SYNE2: variants seen among roughly 807,000 people sequenced by gnomAD.
SYNE2 encodes nesprin-2.
Under a neutral mutation model 856.3 loss-of-function variants are expected in SYNE2, and 431 were observed. The observed-to-expected ratio is 0.50, with a 90% confidence interval of 0.47 to 0.55. The LOEUF (loss-of-function observed/expected upper bound fraction) is 0.55, where lower values mean the gene tolerates loss of function less well. SYNE2 is among the 20% of genes least tolerant of loss of function. The probability of loss-of-function intolerance (pLI) is 0.00; values close to 1 mark genes in which losing one functional copy is unlikely to be tolerated. For synonymous variants in SYNE2, 2,923 were observed against 2,872.3 expected (o/e 1.02, Z -0.56); for missense variants, 8,129 against 8,023.2 (o/e 1.01, Z -0.50).
intron 96 of SYNE2, among the ~76,000 whole-genome samples, chr14:64,185,519 CTTTTTTTTT>C (rs66490444): frequency 1.3e-5 from 1 of 77,478 alleles, no homozygotes; most frequent in Non-Finnish European, 2.4e-5. Context: ...TTTTCTTTTT[CTTTTTTTTT>C]TTTTTTTTTT....
At chr14:64,160,684 A>C (rs1339806610) in intron 87 of SYNE2, among the ~76,000 whole-genome samples, 1 of 152,238 alleles carries the variant, frequency 6.6e-6, no homozygotes, top group Admixed American at 6.5e-5. Flanking sequence ...AAACATTCTC[A>C]TGTATTTCAT....
At chr14:64,077,800 C>A (rs2097479958) in intron 54 of SYNE2, among the ~76,000 whole-genome samples, 1 of 152,042 alleles carries the variant, frequency 6.6e-6, no homozygotes, top group African/African-American at 2.4e-5. Context: ...TATTATCTTT[C>A]CTAGCTCAAG....
Position 63,986,912 on chromosome 14 carries a change from C to T in SYNE2, c.2313+295C>T, listed in dbSNP as rs188869309. ...CTTGCACCAGAGGACAATGAGGAGA[C>T]GAGTGAGTTCAGTCTCATTATAGCT... On this transcript the variant is annotated intron_variant, in intron 19 of 115. Coordinates refer to ENST00000555002, the MANE Select transcript of SYNE2 (RefSeq NM_182914.3). Among the ~76,000 whole-genome samples, 24 of 152,218 alleles carry T rather than the reference C, an allele frequency of 1.6e-4. No individual in the cohort carries two copies. The East Asian group carries it at 3.5e-3, about 22-fold the overall frequency.
intron 6 of SYNE2, among the ~76,000 whole-genome samples, chr14:63,942,920 C>T (rs189507042): frequency 2.0e-5 from 3 of 152,242 alleles, no homozygotes; most frequent in East Asian, 1.9e-4. Context: ...CATGAGCCAC[C>T]GTGCCTGTCC....
Position 64,062,822 on chromosome 14 carries a change from C to T in SYNE2, c.10139C>T (p.Thr3380Ile), listed in dbSNP as rs371329230. 93 of 1,613,910 alleles carry T rather than the reference C, an allele frequency of 5.8e-5. No homozygotes were observed. Among genetic ancestry groups the T allele is most frequent in the Non-Finnish European group, 7.5e-5 (89 of 1,179,972 alleles). Residue 3380 changes from threonine (T) to isoleucine (I), a missense_variant, in exon 50 of 116, where the codon ACA becomes ATA. Physicochemically the swap from Thr to Ile is moderately conservative, Grantham distance 89. Transcript: ENST00000555002. The part of the protein sequence containing the change: ...DIYTNLSKME[T>I]VLGQSMSSLP... Reference sequence around the variant, plus strand: ...TACACTAACCTCAGCAAAATGGAGACAGTTCTTGGACAGTCCATGTCCTCG... The same window carrying T: ...TACACTAACCTCAGCAAAATGGAGATAGTTCTTGGACAGTCCATGTCCTCG...
chr14:64,100,759 C>T (rs2097721841), intron 63 of SYNE2, among the ~76,000 whole-genome samples: 1 of 150,804 alleles, frequency 6.6e-6, no homozygotes, highest in South Asian at 2.1e-4. Context: ...CAAAAGATCC[C>T]TTGAACTTAT....
Position 64,122,583 on chromosome 14 carries a change from G to A in SYNE2, c.13422+156G>A, listed in dbSNP as rs907948292. 4 of 941,262 alleles carry A rather than the reference G, an allele frequency of 4.2e-6. No individual in the cohort carries two copies. The African/African-American group carries it at 4.9e-5, about 12-fold the overall frequency. 58.3% of individuals were successfully genotyped at this position (941,262 alleles called of 1,614,324 possible). On this transcript the variant is annotated intron_variant, in intron 70 of 115. Coordinates refer to ENST00000555002, the MANE Select transcript of SYNE2 (RefSeq NM_182914.3). ...TTCTTGATCTTGGAAACCTGCATTA[G>A]GAACCCTTCCTTTGTGCTTCTGTAG...
In SYNE2 at chr14:64,225,160, G is replaced by GA. The variant is rs2098713377; in HGVS notation, c.20516+118dup. The GA allele has an allele frequency of 5.2e-6, 8 of 1,543,954 alleles. No homozygotes were observed. The Admixed American group carries it at 1.4e-4, about 28-fold the overall frequency. The stretch of plus-strand genomic sequence containing the variant: ...CAAAAATCTGGTTTTCTTTTGTCTG[G>GA]AAAGGGCTGGTTTTCTCCTCTGAAA... On this transcript the variant is annotated intron_variant, in intron 115 of 115. Transcript: ENST00000555002.
chr14:64,205,228 T>G (rs564146971), intron 100 of SYNE2, among the ~76,000 whole-genome samples: 1 of 151,980 alleles, frequency 6.6e-6, no homozygotes, highest in South Asian at 2.1e-4. Flanking sequence ...GGTTGGGGGG[T>G]GTCATTGTCA....
chr14:64,136,575 A>T (rs2098091794), intron 78 of SYNE2, among the ~76,000 whole-genome samples: 1 of 152,222 alleles, frequency 6.6e-6, no homozygotes, highest in Non-Finnish European at 1.5e-5. Context: ...GTGTCAGGAT[A>T]AATGGCATTA....
At chr14:63,898,746 T>G (rs548598064) in intron 1 of SYNE2, among the ~76,000 whole-genome samples, 12 of 152,130 alleles carry the variant, frequency 7.9e-5, no homozygotes, top group African/African-American at 2.9e-4. Flanking sequence ...AGGACATACA[T>G]TTTTTTTGAG....
intron 1 of SYNE2, among the ~76,000 whole-genome samples, chr14:63,903,858 T>C (rs2095371576): frequency 6.6e-6 from 1 of 152,116 alleles, no homozygotes; most frequent in Non-Finnish European, 1.5e-5. Flanking sequence ...TTTTTAAATT[T>C]CAACTTTTAT....
At chr14:64,005,996 C>A (rs1418052053) in intron 30 of SYNE2, among the ~76,000 whole-genome samples, 1 of 152,156 alleles carries the variant, frequency 6.6e-6, no homozygotes, top group Non-Finnish European at 1.5e-5. Flanking sequence ...AAGAAGGCAT[C>A]TCAACAAAGA....
intron 47 of SYNE2, among the ~76,000 whole-genome samples, chr14:64,050,490 T>G (rs1260359784): frequency 6.6e-6 from 1 of 152,214 alleles, no homozygotes; most frequent in African/African-American, 2.4e-5. Context: ...AATAGGTTTA[T>G]GTTCTATGGA....
chr14:64,185,490 CT>C (rs1034823488), intron 96 of SYNE2, among the ~76,000 whole-genome samples: 82 of 124,624 alleles, frequency 6.6e-4, no homozygotes, highest in Non-Finnish European at 9.8e-4. Flanking sequence ...ACAGATGCTT[CT>C]TTTTTTTTTC....
At position 64,165,300 on chromosome 14, in the gene SYNE2, T is replaced by C; in HGVS notation, c.16495T>C (p.Phe5499Leu). Residue 5499 changes from phenylalanine (F) to leucine (L), a missense_variant, in exon 90 of 116, where the codon TTT (phenylalanine) becomes CTT (leucine). This residue lies in a region of SYNE2 where 5,410 missense variants were observed against 5,284.8 expected (regional missense o/e 1.02). Transcript: ENST00000555002. ...ANEFEFVLSQFKDFGVRLESL... is the reference protein window; with the variant it reads ...ANEFEFVLSQLKDFGVRLESL... ...CTTGTTCTAGTTTGTTCTCTCACAG[T>C]TTAAGGATTTTGGAGTCCGGCTGGA... 1.2e-6 allele frequency: 2 copies of C among 1,613,902 alleles called. No individual in the cohort carries two copies. The highest frequency in any genetic ancestry group is 1.7e-6 in the Non-Finnish European group (2 of 1,179,820).
chr14:64,046,399 C>G (rs2097186695), intron 45 of SYNE2, among the ~76,000 whole-genome samples: 1 of 152,214 alleles, frequency 6.6e-6, no homozygotes, highest in African/African-American at 2.4e-5. Flanking sequence ...GTCACCCAGC[C>G]TGGAGTGCAG....
intron 19 of SYNE2, among the ~76,000 whole-genome samples, chr14:63,986,956 A>G (rs1389139295): frequency 6.6e-6 from 1 of 152,164 alleles, no homozygotes; most frequent in Non-Finnish European, 1.5e-5. Flanking sequence ...AGTACACGTA[A>G]GAGATAATAT....
intron 8 of SYNE2, 115 bp from the exon 9 acceptor site, chr14:63,961,410 T>C (rs1184732097): frequency 3.6e-6 from 3 of 826,392 alleles, no homozygotes; most frequent in Non-Finnish European, 6.1e-6. Context: ...GTGACTACTT[T>C]GGTGCATTTC....
Sources: allele counts gnomAD v4.1 joint callset (sites outside exome capture counted in the v4.1 genomes callset), GRCh38; gene constraint gnomAD v4.1.1; regional missense constraint gnomAD v4.1.1; transcripts MANE v1.5; gene names NCBI Gene and HGNC (gene_info 2026-07-23, HGNC 2026-07-21).